The following LRMDA variants were observed in gnomAD, a reference collection of about 807,000 sequenced individuals.
The protein encoded by LRMDA is leucine-rich melanocyte differentiation-associated protein.
In LRMDA, 18 loss-of-function variants were observed where a neutral mutation model predicts 29.8. The observed-to-expected ratio is 0.60, with a 90% CI of 0.42 to 0.90. LRMDA has a LOEUF of 0.90. LRMDA is among the 40% of genes least tolerant of loss of function. LRMDA has a pLI of 0.00. For synonymous variants in LRMDA, 125 were observed against 109.4 expected, an observed-to-expected ratio of 1.14 and a Z score of -0.89; for missense variants, 273 against 273.9, an observed-to-expected ratio of 1.00 and a Z score of 0.02.
chr10:76,523,531 C>A (rs1843143803), intron 6 of LRMDA, among the ~76,000 whole-genome samples: 1 of 151,054 alleles, frequency 6.6e-6, no homozygotes, highest in South Asian at 2.1e-4. Context: ...TTCCTCTAGG[C>A]TATGCACTTT....
At chr10:76,454,786 A>G (rs1384567681) in intron 6 of LRMDA, among the ~76,000 whole-genome samples, 1 of 152,176 alleles carries the variant, frequency 6.6e-6, no homozygotes, top group African/African-American at 2.4e-5. Flanking sequence ...TCATATGCTG[A>G]GAAGGACAAA....
At chr10:75,612,421 T>C (rs1841044061) in intron 2 of LRMDA, among the ~76,000 whole-genome samples, 1 of 152,160 alleles carries the variant, frequency 6.6e-6, no homozygotes, top group Admixed American at 6.5e-5. Context: ...CTATTTCCTC[T>C]TAATTCTACT....
In LRMDA at chr10:75,687,046, A is replaced by G. The variant is rs564875652; in HGVS notation, c.131+248552A>G. Among the ~76,000 whole-genome samples, 5 of 152,252 alleles carry G rather than the reference A, an allele frequency of 3.3e-5. No homozygotes were observed. In the East Asian group the frequency reaches 7.7e-4, roughly 23 times the overall value. On this transcript the variant is annotated intron_variant, in intron 2 of 6. Coordinates refer to ENST00000611255, the MANE Select transcript of LRMDA (RefSeq NM_001305581.2). Reference sequence around the variant, plus strand: ...GCTCTGACTGCTCCACCAACCACCCATTCTCCCATCCCTGTCCCTCTCCTC... The same window carrying G: ...GCTCTGACTGCTCCACCAACCACCCGTTCTCCCATCCCTGTCCCTCTCCTC...
At chr10:76,184,053 C>T (rs1282247701) in intron 5 of LRMDA, among the ~76,000 whole-genome samples, 9 of 142,350 alleles carry the variant, frequency 6.3e-5, no homozygotes, top group Admixed American at 1.5e-4. Flanking sequence ...TTTTTGGAGA[C>T]GGAGTCTTAC....
At chr10:76,141,143 G>A (rs1047641653) in intron 5 of LRMDA, among the ~76,000 whole-genome samples, 1 of 151,946 alleles carries the variant, frequency 6.6e-6, no homozygotes, top group East Asian at 1.9e-4. Flanking sequence ...GTTTCTTTCA[G>A]CAGGCTCAAA....
At chr10:76,240,523 G>A (rs1280286647) in intron 5 of LRMDA, among the ~76,000 whole-genome samples, 2 of 147,536 alleles carry the variant, frequency 1.4e-5, no homozygotes, top group Non-Finnish European at 3.0e-5. Flanking sequence ...CTTTTACATT[G>A]TTGGTGATAA....
chr10:76,196,074 A>G (rs948061714), intron 5 of LRMDA, among the ~76,000 whole-genome samples: 5 of 152,200 alleles, frequency 3.3e-5, no homozygotes, highest in African/African-American at 2.4e-5. Context: ...GGACCTTTTC[A>G]TTGTTGGCCC....
At chr10:76,553,929 C>T (rs955499877) in intron 6 of LRMDA, among the ~76,000 whole-genome samples, 1 of 152,154 alleles carries the variant, frequency 6.6e-6, no homozygotes, top group Non-Finnish European at 1.5e-5. Flanking sequence ...AGACTGAGTG[C>T]CGTCCTTTCT....
intron 2 of LRMDA, among the ~76,000 whole-genome samples, chr10:75,679,489 T>G (rs1032045424): frequency 6.6e-6 from 1 of 152,158 alleles, no homozygotes; most frequent in African/African-American, 2.4e-5. Context: ...TTGGTGACAT[T>G]GTAAAAGTCA....
intron 5 of LRMDA, among the ~76,000 whole-genome samples, chr10:76,151,745 A>G (rs542022461): frequency 2.0e-5 from 3 of 152,266 alleles, no homozygotes; most frequent in South Asian, 4.1e-4. Context: ...TTTTGTTTTC[A>G]TATTATACAC....
At chr10:75,678,000 A>G (rs1841980848) in intron 2 of LRMDA, among the ~76,000 whole-genome samples, 1 of 152,218 alleles carries the variant, frequency 6.6e-6, no homozygotes, top group African/African-American at 2.4e-5. Context: ...AAAATGTAAC[A>G]TGTGTTTCCC....
intron 2 of LRMDA, chr10:75,783,046 C>G: frequency 1.9e-6 from 3 of 1,613,704 alleles, no homozygotes; most frequent in Non-Finnish European, 2.5e-6. Flanking sequence ...GACCCTTAAT[C>G]AAAGAGTCGG....
intron 5 of LRMDA, among the ~76,000 whole-genome samples, chr10:76,174,796 T>C (rs1202094834): frequency 6.6e-6 from 1 of 152,192 alleles, no homozygotes; most frequent in Non-Finnish European, 1.5e-5. Context: ...GTTGAACAAA[T>C]TATTTAATGT....
chr10:76,033,852 C>T (rs768550254), intron 2 of LRMDA, among the ~76,000 whole-genome samples: 6 of 152,098 alleles, frequency 3.9e-5, no homozygotes, highest in African/African-American at 7.2e-5. Context: ...CCCGAAAGTC[C>T]CCTGCACAAG....
chr10:76,420,514 A>G (rs533798946), intron 6 of LRMDA, among the ~76,000 whole-genome samples: 2 of 151,988 alleles, frequency 1.3e-5, no homozygotes, highest in Non-Finnish European at 2.9e-5. Context: ...GGCTGTTTTA[A>G]TGTACATTTA....
intron 2 of LRMDA, among the ~76,000 whole-genome samples, chr10:75,701,172 C>T (rs1332049437): frequency 6.6e-6 from 1 of 152,172 alleles, no homozygotes; most frequent in Non-Finnish European, 1.5e-5. Flanking sequence ...CTGTGCTCAG[C>T]TTTCTTGTGG....
chr10:76,517,668 A>G (rs987670436), intron 6 of LRMDA, among the ~76,000 whole-genome samples: 51 of 152,102 alleles, frequency 3.4e-4, no homozygotes, highest in African/African-American at 1.2e-3. Context: ...TGAGAAAAAA[A>G]TGGCAAACAT....
chr10:76,145,645 C>T (rs1163638488), intron 5 of LRMDA, among the ~76,000 whole-genome samples: 2 of 152,066 alleles, frequency 1.3e-5, no homozygotes, highest in Non-Finnish European at 2.9e-5. Context: ...AAACCAGCTC[C>T]TGGATTCATT....
At chr10:76,210,843 C>G (rs1400517992) in intron 5 of LRMDA, among the ~76,000 whole-genome samples, 2 of 152,200 alleles carry the variant, frequency 1.3e-5, no homozygotes, top group African/African-American at 2.4e-5. Flanking sequence ...ACATCAGGGA[C>G]TCCACTGCGT....
Sources: gnomAD v4.1 joint callset for allele counts (sites outside exome capture counted in the v4.1 genomes callset) on GRCh38, gnomAD v4.1.1 for gene constraint, MANE v1.5 for transcripts, NCBI Gene and HGNC (gene_info 2026-07-23, HGNC 2026-07-21) for gene names.